TSPAN15: variants seen among roughly 807,000 people sequenced by gnomAD.
TSPAN15 encodes the protein tetraspanin-15.
A neutral mutation model predicts 34.5 loss-of-function variants in TSPAN15; 20 were observed. The ratio of observed to expected loss-of-function variants is 0.58; its 90% CI spans 0.41 to 0.84. The LOEUF is 0.84. Among genes scored for constraint, TSPAN15 ranks in the 40% least tolerant of loss-of-function variants. TSPAN15 has a pLI of 0.00. For missense variants in TSPAN15, 313 were observed against 386.1 expected (o/e 0.81, Z 1.59); for synonymous variants, 155 against 153.9 (o/e 1.01, Z -0.05).
At chr10:69,482,470 C>G (rs557281068) in intron 1 of TSPAN15, among the ~76,000 whole-genome samples, 1 of 152,136 alleles carries the variant, frequency 6.6e-6, no homozygotes, top group Non-Finnish European at 1.5e-5. Context: ...TCTTCCTGCT[C>G]CAACCTTTGG....
At chr10:69,476,102 A>G (rs773332221) in intron 1 of TSPAN15, among the ~76,000 whole-genome samples, 3 of 152,116 alleles carry the variant, frequency 2.0e-5, no homozygotes, top group Non-Finnish European at 4.4e-5. Flanking sequence ...TTTCCTCCCG[A>G]GACTTGAGAA....
the TSPAN15 span, among the ~76,000 whole-genome samples, chr10:69,534,837 A>T: frequency 7.5e-6 from 1 of 133,868 alleles, no homozygotes; most frequent in Non-Finnish European, 1.6e-5. Context: ...AAAAAAAAAA[A>T]GCAGGGTATG....
At chr10:69,525,236 G>T in the TSPAN15 span, among the ~76,000 whole-genome samples, 1 of 147,688 alleles carries the variant, frequency 6.8e-6, no homozygotes, top group Non-Finnish European at 1.5e-5. Context: ...TATTTTTAGA[G>T]TTCATAAAAT....
intron 1 of TSPAN15, among the ~76,000 whole-genome samples, chr10:69,474,285 C>T (rs1841569367): frequency 1.3e-5 from 2 of 152,168 alleles, no homozygotes; most frequent in South Asian, 4.1e-4. Context: ...TACCCCTTCC[C>T]TGGAACTCCT....
chr10:69,493,747 C>T (rs1474350599), intron 3 of TSPAN15, among the ~76,000 whole-genome samples: 1 of 152,216 alleles, frequency 6.6e-6, no homozygotes, highest in African/African-American at 2.4e-5. Context: ...GCTGGGATTA[C>T]AGGCGTGAGC....
intron 1 of TSPAN15, among the ~76,000 whole-genome samples, chr10:69,467,001 T>A (rs1841398186): frequency 6.6e-6 from 1 of 152,198 alleles, no homozygotes; most frequent in African/African-American, 2.4e-5. Flanking sequence ...GCCAGCCCTC[T>A]GGGAGCCCGT....
chr10:69,483,948 G>A (rs889327559), intron 2 of TSPAN15, 72 bp downstream of exon 2: 5 of 1,514,334 alleles, frequency 3.3e-6, no homozygotes, highest in Non-Finnish European at 4.5e-6. Flanking sequence ...GTGCCCTTGG[G>A]CAGCTCAGTT....
the TSPAN15 span, among the ~76,000 whole-genome samples, chr10:69,544,904 GC>G: frequency 6.6e-6 from 1 of 152,190 alleles, no homozygotes; most frequent in Non-Finnish European, 1.5e-5. Flanking sequence ...GCCTTCAAAA[GC>G]CAGCGGCCTG....
intron 3 of TSPAN15, among the ~76,000 whole-genome samples, chr10:69,487,190 A>G (rs1026143225): frequency 1.3e-5 from 2 of 151,976 alleles, no homozygotes; most frequent in Non-Finnish European, 1.5e-5. Flanking sequence ...GACCCCGGGC[A>G]TGGTTTCTGC....
At chr10:69,511,210 C>G (rs1842411457), downstream of TSPAN15, among the ~76,000 whole-genome samples, 1 of 151,982 alleles carries the variant, frequency 6.6e-6, no homozygotes, top group Admixed American at 6.6e-5. Flanking sequence ...TGGTCCTGGC[C>G]TTTTTTTGGT....
At position 69,451,523 on chromosome 10, in the gene TSPAN15, C is replaced by T. The variant is rs1840965431; in HGVS notation, c.-72C>T. 1.4e-5 allele frequency: 18 copies of T among 1,291,392 alleles called. No individual in the cohort carries two copies. Among genetic ancestry groups the T allele is most frequent in the Non-Finnish European group, 1.8e-5 (18 of 1,017,662 alleles). 80.0% of individuals were successfully genotyped at this position (1,291,392 alleles called of 1,614,324 possible). A position where few individuals can be genotyped will look rare whatever the true frequency, so the allele number is the denominator to read the frequency against. ...GGTAGCCCGGCAGCCGCAGGTGGGG[C>T]CACGAGCGCTGGCTGAGGGACCGAG... is the stretch of plus-strand genomic sequence containing the variant. On this transcript the variant is annotated 5_prime_UTR_variant, in exon 1 of 8. Transcript: ENST00000373290.
chr10:69,483,951 G>A (rs1841794344), intron 2 of TSPAN15, 75 bp downstream of exon 2: 2 of 1,494,924 alleles, frequency 1.3e-6, no homozygotes, highest in Non-Finnish European at 1.8e-6. Context: ...CCCTTGGGCA[G>A]CTCAGTTTCT....
Position 69,495,652 on chromosome 10 carries a change from T to C in TSPAN15, c.416T>C (p.Leu139Pro). ...RRGIENYYDD[L>P]DFKNIMDFVQ... Reference sequence around the variant, plus strand: ...GGAATTGAGAACTACTATGATGATCTGGACTTCAAAAACATCATGGACTTT... The same window carrying C: ...GGAATTGAGAACTACTATGATGATCCGGACTTCAAAAACATCATGGACTTT... The change falls in exon 4 of 8, where the codon CTG becomes CCG. Residue 139 changes from leucine to proline, a missense_variant. By Grantham distance (98) the Leu-to-Pro change is moderately conservative. Coordinates refer to ENST00000373290, the MANE Select transcript of TSPAN15 (RefSeq NM_012339.5). 2 of 1,614,180 alleles carry C rather than the reference T, an allele frequency of 1.2e-6. No homozygotes were observed. Among genetic ancestry groups the C allele is most frequent in the Non-Finnish European group, 1.7e-6 (2 of 1,179,986 alleles).
chr10:69,526,226 A>T, the TSPAN15 span, among the ~76,000 whole-genome samples: 1 of 147,740 alleles, frequency 6.8e-6, no homozygotes, highest in South Asian at 2.1e-4. Context: ...TAGAGGAGTG[A>T]ATCATTTTCT....
chr10:69,472,702 A>C (rs1841532126), intron 1 of TSPAN15, among the ~76,000 whole-genome samples: 1 of 152,212 alleles, frequency 6.6e-6, no homozygotes, highest in Non-Finnish European at 1.5e-5. Flanking sequence ...ACAGTGCTAC[A>C]TGGTTACTGG....
chr10:69,497,731 A>G (rs1408997726), intron 4 of TSPAN15, among the ~76,000 whole-genome samples: 1 of 152,064 alleles, frequency 6.6e-6, no homozygotes, highest in Non-Finnish European at 1.5e-5. Flanking sequence ...GTTACCAACT[A>G]CTTCCTACAG....
intron 1 of TSPAN15, among the ~76,000 whole-genome samples, chr10:69,463,803 C>T (rs1453256242): frequency 2.4e-5 from 3 of 123,414 alleles, no homozygotes; most frequent in African/African-American, 9.7e-5. Context: ...AGTGAGACTC[C>T]GTCTCAAAAA....
chr10:69,484,116 C>T (rs1841797899), intron 2 of TSPAN15: 1 of 426,554 alleles, frequency 2.3e-6, no homozygotes. Flanking sequence ...TCTGGATGCT[C>T]AGTTGCGAGT....
chr10:69,534,607 A>G, the TSPAN15 span, among the ~76,000 whole-genome samples: 1 of 152,208 alleles, frequency 6.6e-6, no homozygotes, highest in Non-Finnish European at 1.5e-5. Context: ...ATTTCTAATC[A>G]GTTGATCCTC....
Sources: gnomAD v4.1 joint callset for allele counts (sites outside exome capture counted in the v4.1 genomes callset) on GRCh38, gnomAD v4.1.1 for gene constraint, MANE v1.5 for transcripts, NCBI Gene and HGNC (gene_info 2026-07-23, HGNC 2026-07-21) for gene names.